Variants in PHF14 observed in about 807,000 individuals in gnomAD.
PHF14 encodes PHD finger protein 14.
A neutral mutation model predicts 117.9 loss-of-function variants in PHF14; 55 were observed. The ratio of observed to expected loss-of-function variants is 0.47; its 90% CI spans 0.38 to 0.58. The LOEUF is 0.58. Ranked by LOEUF, PHF14 falls within the 20% of genes least tolerant of loss-of-function variation. The probability of loss-of-function intolerance (pLI) is 0.00; values close to 1 mark genes in which losing one functional copy is unlikely to be tolerated. For synonymous variants in PHF14, 409 were observed against 368.6 expected, an observed-to-expected ratio of 1.11 and a Z score of -1.26; for missense variants, 978 against 1,122.2, an observed-to-expected ratio of 0.87 and a Z score of 1.84.
chr7:11,053,120 C>G (rs1034037713), intron 14 of PHF14, among the ~76,000 whole-genome samples: 1 of 152,046 alleles, frequency 6.6e-6, no homozygotes, highest in Non-Finnish European at 1.5e-5. Context: ...ATCATTTGTT[C>G]TGTTACCTGT....
At chr7:10,982,307 G>C in intron 2 of PHF14, 65 bp from the exon 3 acceptor site, 2 of 1,025,812 alleles carry the variant, frequency 1.9e-6, no homozygotes, top group Non-Finnish European at 2.8e-6. Flanking sequence ...TTGTGTCAGC[G>C]TTGTGTGTGT....
chr7:11,034,540 T>A (rs1784243622), intron 7 of PHF14, among the ~76,000 whole-genome samples: 1 of 6,688 alleles, frequency 1.5e-4, no homozygotes, highest in Non-Finnish European at 3.1e-4. Flanking sequence ...CTTAATTCTA[T>A]TTTTTTTTTT....
chr7:11,126,285 C>T (rs1193987299), intron 17 of PHF14, among the ~76,000 whole-genome samples: 1 of 152,020 alleles, frequency 6.6e-6, no homozygotes, highest in Non-Finnish European at 1.5e-5. Flanking sequence ...AGTATCCAGT[C>T]ATTTGCTTAA....
At chr7:11,157,286 A>C (rs1023171535) in intron 17 of PHF14, among the ~76,000 whole-genome samples, 13 of 152,200 alleles carry the variant, frequency 8.5e-5, no homozygotes, top group Non-Finnish European at 2.9e-5. Flanking sequence ...ATATCTTAAA[A>C]AGACAAAATG....
At chr7:11,069,791 G>A (rs1175786962) in intron 16 of PHF14, among the ~76,000 whole-genome samples, 4 of 150,618 alleles carry the variant, frequency 2.7e-5, no homozygotes, top group Middle Eastern at 6.8e-3. Context: ...CTGAGTAGCT[G>A]GAATTACCAC....
chr7:11,168,900 G>A lies in PHF14; in HGVS notation c.2773-516G>A, dbSNP rs576739580. On this transcript the variant is annotated intron_variant, in intron 17 of 17. Coordinates refer to ENST00000634607, the MANE Select transcript of PHF14 (RefSeq NM_001007157.2). The stretch of plus-strand genomic sequence containing the variant: ...CTATGAATTATGAGGCCACCACTTA[G>A]AATTGAAACTGTAGAAGATTGTAAG... 2.6e-5 allele frequency among the ~76,000 whole-genome samples: 4 copies of A among 152,136 alleles called. No individual in the cohort carries two copies. In the South Asian group the frequency reaches 8.3e-4, roughly 32 times the overall value.
intron 17 of PHF14, 63 bp from the exon 18 acceptor site, chr7:11,169,353 C>A: frequency 1.4e-6 from 1 of 725,086 alleles, no homozygotes; most frequent in Middle Eastern, 2.5e-4. Context: ...TAAAATCTGT[C>A]AAGTATAGCT....
rs115925375 is a variant in PHF14 at position 11,053,656 on chromosome 7, T to C, written c.2481+1876T>C. Among the ~76,000 whole-genome samples the C allele has an allele frequency of 3.4e-3, 511 of 152,208 alleles. 2 individuals carry two copies. Among genetic ancestry groups the C allele is most frequent in the African/African-American group, 0.011 (453 of 41,568 alleles). On this transcript the variant is annotated intron_variant, in intron 14 of 17. Coordinates refer to ENST00000634607, the MANE Select transcript of PHF14 (RefSeq NM_001007157.2). ...GAAAGCCTTTTGACTAGTATTATCA[T>C]CCTTAACTTTGGAGTTATCATATAG...
At chr7:11,104,203 TATC>T (rs1787181609) in intron 16 of PHF14, 10 of 983,050 alleles carry the variant, frequency 1.0e-5, no homozygotes, top group Non-Finnish European at 1.2e-5. Flanking sequence ...AATACTATAT[TATC>T]ATCATTTTCC....
intron 17 of PHF14, among the ~76,000 whole-genome samples, chr7:11,150,978 G>T (rs2128353978): frequency 6.6e-6 from 1 of 151,898 alleles, no homozygotes; most frequent in Non-Finnish European, 1.5e-5. Context: ...TAAAAGAAAA[G>T]TAAAAGAACT....
intron 7 of PHF14, among the ~76,000 whole-genome samples, chr7:11,030,578 A>T (rs1017048347): frequency 1.3e-5 from 2 of 152,170 alleles, no homozygotes; most frequent in Non-Finnish European, 2.9e-5. Flanking sequence ...GAAACTAAAC[A>T]TAATATTAAG....
rs5882293 is a variant in PHF14, at chr7:11,137,590, C to CT, written c.2772+26145dup. Among the ~76,000 whole-genome samples the CT allele has an allele frequency of 6.9e-3, 651 of 93,938 alleles. 7 individuals carry two copies. The highest frequency in any genetic ancestry group is 0.027 in the Middle Eastern group (3 of 112). The allele number at this position is 93,938 out of a possible 152,430, so 61.6% of individuals were successfully genotyped here. ...ACTTTTACATTTTAACTTAAAAATT[C>CT]TTTTTTTTTTTTTTTTTTTTTTGAG... On this transcript the variant is annotated intron_variant, in intron 17 of 17. Transcript: ENST00000634607.
rs74450803 is a variant in PHF14, at chr7:11,028,274, G to A, written c.1318-407G>A. Reference sequence around the variant, plus strand: ...ACTGAAAGTGGAAAACAGAATGGTCGTATGGGTACTGAAAGTGTGGATTCT... The same window carrying A: ...ACTGAAAGTGGAAAACAGAATGGTCATATGGGTACTGAAAGTGTGGATTCT... On this transcript the variant is annotated intron_variant, in intron 6 of 17. Coordinates refer to ENST00000634607, the MANE Select transcript of PHF14 (RefSeq NM_001007157.2). 8.3e-4 allele frequency among the ~76,000 whole-genome samples: 127 copies of A among 152,186 alleles called. 3 individuals carry two copies. The East Asian group carries it at 0.021, about 25-fold the overall frequency.
At chr7:11,081,372 C>G (rs900074293) in intron 16 of PHF14, among the ~76,000 whole-genome samples, 4 of 152,092 alleles carry the variant, frequency 2.6e-5, no homozygotes, top group Non-Finnish European at 4.4e-5. Flanking sequence ...TAAGAATATT[C>G]TTTATGGTGC....
At chr7:11,007,901 A>G (rs923276449) in intron 4 of PHF14, among the ~76,000 whole-genome samples, 5 of 152,158 alleles carry the variant, frequency 3.3e-5, no homozygotes, top group Admixed American at 1.3e-4. Context: ...GTTTACTGTA[A>G]TTACTTTTCA....
chr7:11,125,561 T>C (rs34166672), intron 17 of PHF14, among the ~76,000 whole-genome samples: 56,884 of 151,880 alleles, frequency 0.37, 11,148 homozygotes, highest in East Asian at 0.72. Context: ...TACAAAATTA[T>C]TACCTCACCT....
intron 17 of PHF14, among the ~76,000 whole-genome samples, chr7:11,166,251 C>A (rs1008488904): frequency 1.3e-5 from 2 of 151,890 alleles, no homozygotes; most frequent in South Asian, 4.2e-4. Flanking sequence ...CTTGTCAGGG[C>A]TGTCACTAAG....
In PHF14 at chr7:11,026,867, G is replaced by A. The variant is rs367684036; in HGVS notation, c.1318-1814G>A. 4.6e-5 allele frequency among the ~76,000 whole-genome samples: 7 copies of A among 152,028 alleles called. No individual in the cohort carries two copies. In the East Asian group the frequency reaches 7.7e-4, roughly 17 times the overall value. ...TTTAAGAAAACATCACTGGGAAACTGAGTTGAAAATTAGGTACTCTCTGGC... is the reference window on the plus strand; with the variant it reads ...TTTAAGAAAACATCACTGGGAAACTAAGTTGAAAATTAGGTACTCTCTGGC... On this transcript the variant is annotated intron_variant, in intron 6 of 17. Transcript: ENST00000634607.
chr7:11,012,911 C>G (rs957957060), intron 4 of PHF14, among the ~76,000 whole-genome samples: 7 of 152,160 alleles, frequency 4.6e-5, no homozygotes, highest in African/African-American at 1.7e-4. Context: ...TGTTACTACT[C>G]TGAACTTTTC....
Sources: gnomAD v4.1 joint callset for allele counts (sites outside exome capture counted in the v4.1 genomes callset) on GRCh38, gnomAD v4.1.1 for gene constraint, MANE v1.5 for transcripts, NCBI Gene and HGNC (gene_info 2026-07-23, HGNC 2026-07-21) for gene names.